The following HIVEP3 variants were observed in gnomAD, a reference collection of about 807,000 sequenced individuals.
HIVEP3 encodes the protein transcription factor HIVEP3.
HIVEP3 carries 49 observed loss-of-function variants against 152.8 expected under a neutral mutation model. That is an observed-to-expected ratio of 0.32 (90% CI 0.26 to 0.41). The LOEUF (loss-of-function observed/expected upper bound fraction) is 0.41, where lower values mean the gene tolerates loss of function less well. HIVEP3 is among the 10% of genes least tolerant of loss of function. The pLI is 1.00. For synonymous variants in HIVEP3, 1,269 were observed against 1,289.0 expected (o/e 0.98, Z 0.33); for missense variants, 2,790 against 3,103.3 (o/e 0.90, Z 2.40).
intron 1 of HIVEP3, among the ~76,000 whole-genome samples, chr1:41,974,118 G>A (rs1365010024): frequency 6.6e-6 from 1 of 152,140 alleles, no homozygotes; most frequent in African/African-American, 2.4e-5. Flanking sequence ...TCACAGCAAG[G>A]AGGGCAGGGG....
chr1:41,825,355 C>T lies in HIVEP3; in HGVS notation c.-801+93058G>A, dbSNP rs192010201. Among the ~76,000 whole-genome samples the T allele has an allele frequency of 4.6e-5, 7 of 152,098 alleles. No individual in the cohort carries two copies. The East Asian group carries it at 9.7e-4, about 21-fold the overall frequency. ...ATCACAAAATACATTATCACAAGGGCGGGGGAATGTCACCATGGCTTGACC... is the reference window on the plus strand; with the variant it reads ...ATCACAAAATACATTATCACAAGGGTGGGGGAATGTCACCATGGCTTGACC... On this transcript the variant is annotated intron_variant, in intron 1 of 8. Coordinates refer to ENST00000372583, the MANE Select transcript of HIVEP3 (RefSeq NM_024503.5).
At chr1:41,739,566 A>C (rs1466545216) in intron 1 of HIVEP3, among the ~76,000 whole-genome samples, 1 of 151,856 alleles carries the variant, frequency 6.6e-6, no homozygotes. Flanking sequence ...GCAGAGAAAA[A>C]ATTGGGGTTG....
chr1:41,601,711 T>C (rs1349276036), intron 3 of HIVEP3, among the ~76,000 whole-genome samples: 4 of 152,198 alleles, frequency 2.6e-5, no homozygotes, highest in Non-Finnish European at 4.4e-5. Flanking sequence ...TCCTTTCTGA[T>C]TTAAATGTCT....
At chr1:41,520,742 G>A (rs1416935253) in intron 6 of HIVEP3, among the ~76,000 whole-genome samples, 2 of 152,220 alleles carry the variant, frequency 1.3e-5, no homozygotes, top group East Asian at 3.8e-4. Flanking sequence ...AGCCATGTAT[G>A]GGAAATGCCC....
Position 41,948,589 on chromosome 1 carries a change from C to T in HIVEP3, n.120-30065G>A, listed in dbSNP as rs138775114. Among the ~76,000 whole-genome samples the T allele has an allele frequency of 3.2e-3, 491 of 152,212 alleles. 4 individuals carry two copies. The highest frequency in any genetic ancestry group is 0.011 in the African/African-American group (468 of 41,468). Reference sequence around the variant, plus strand: ...CATTAGAAATGCTTATAGAAGGACCCCTAGTATGGGGTAATCCCCTCCAGG... The same window carrying T: ...CATTAGAAATGCTTATAGAAGGACCTCTAGTATGGGGTAATCCCCTCCAGG... On this transcript the variant is annotated intron_variant and non_coding_transcript_variant, in intron 1 of 3. Transcript: ENST00000489103.
intron 6 of HIVEP3, among the ~76,000 whole-genome samples, chr1:41,521,447 G>A (rs1363102875): frequency 6.6e-6 from 1 of 152,200 alleles, no homozygotes; most frequent in Non-Finnish European, 1.5e-5. Flanking sequence ...GTGACTTTGC[G>A]GGTCCAGGAG....
At chr1:41,901,449 T>C (rs1557502956) in intron 1 of HIVEP3, among the ~76,000 whole-genome samples, 1 of 151,860 alleles carries the variant, frequency 6.6e-6, no homozygotes, top group Non-Finnish European at 1.5e-5. Flanking sequence ...AGAGAAATCC[T>C]CAGACAGAGT....
chr1:41,538,561 C>G (rs904200905), intron 5 of HIVEP3, among the ~76,000 whole-genome samples: 1 of 152,156 alleles, frequency 6.6e-6, no homozygotes, highest in South Asian at 2.1e-4. Context: ...AAGATGGCAG[C>G]AGCTCAGGGG....
At chr1:41,654,188 T>C (rs1040204904) in intron 2 of HIVEP3, among the ~76,000 whole-genome samples, 1 of 152,194 alleles carries the variant, frequency 6.6e-6, no homozygotes, top group South Asian at 2.1e-4. Flanking sequence ...ACAAAGGGCA[T>C]ACTTGGCCTA....
intron 1 of HIVEP3, among the ~76,000 whole-genome samples, chr1:41,946,844 G>A (rs774938119): frequency 8.5e-5 from 13 of 152,092 alleles, no homozygotes; most frequent in Non-Finnish European, 1.3e-4. Context: ...AAAAGCCCAA[G>A]GCCTAGTAAA....
intron 5 of HIVEP3, among the ~76,000 whole-genome samples, chr1:41,531,495 G>A (rs1268102238): frequency 6.9e-5 from 8 of 116,280 alleles, no homozygotes; most frequent in South Asian, 3.7e-4. Context: ...GGACAGGAGA[G>A]ATGGAAGACA....
At chr1:41,658,165 T>A (rs1198365004) in intron 2 of HIVEP3, among the ~76,000 whole-genome samples, 1 of 152,246 alleles carries the variant, frequency 6.6e-6, no homozygotes, top group Non-Finnish European at 1.5e-5. Flanking sequence ...ATCTGTTAAT[T>A]GGTTTACAAA....
rs1288271060 is a variant in HIVEP3, at chr1:41,575,561, G to T, written c.5190C>A (p.Ile1730=). Residue 1730 remains isoleucine, a synonymous_variant, in exon 5 of 9, where the codon ATC becomes ATA. Coordinates refer to ENST00000372583, the MANE Select transcript of HIVEP3 (RefSeq NM_024503.5). ...PASQRGEPAR[I]KIFEGGYKSN... ...AGTCTTACCCTCCTTCGAAGATTTT[G>T]ATCCTCGCCGGCTCCCCTCTCTGGG... 6.2e-7 allele frequency: 1 copy of T among 1,614,130 alleles called. No individual in the cohort carries two copies. The highest frequency in any genetic ancestry group is 1.7e-5 in the Admixed American group (1 of 60,024).
rs539883669 is a variant in HIVEP3, at chr1:41,718,809, C to T, written c.-800-17814G>A. 1.4e-4 allele frequency among the ~76,000 whole-genome samples: 22 copies of T among 152,252 alleles called. No homozygotes were observed. In the East Asian group the frequency reaches 4.1e-3, roughly 28 times the overall value. On this transcript the variant is annotated intron_variant, in intron 1 of 8. Transcript: ENST00000372583. ...ACACACACACACACGTGCACACACA[C>T]ACACACGTATGTGCTGTAATTATAG...
intron 1 of HIVEP3, among the ~76,000 whole-genome samples, chr1:41,785,238 C>G (rs1413678410): frequency 6.6e-6 from 1 of 152,166 alleles, no homozygotes; most frequent in Non-Finnish European, 1.5e-5. Flanking sequence ...ATTTCCATAC[C>G]TCCAAGGCCC....
chr1:41,838,892 T>C (rs909283923), intron 1 of HIVEP3, among the ~76,000 whole-genome samples: 4 of 152,160 alleles, frequency 2.6e-5, no homozygotes, highest in Non-Finnish European at 4.4e-5. Context: ...CAAAACACCA[T>C]TTCCTGATGG....
At chr1:41,653,696 C>T (rs974901811) in intron 2 of HIVEP3, among the ~76,000 whole-genome samples, 11 of 152,148 alleles carry the variant, frequency 7.2e-5, no homozygotes, top group African/African-American at 2.7e-4. Flanking sequence ...CAAATGTTCG[C>T]ATGCCAAGGC....
At chr1:41,941,594 G>A (rs1309808154) in intron 1 of HIVEP3, among the ~76,000 whole-genome samples, 1 of 152,158 alleles carries the variant, frequency 6.6e-6, no homozygotes, top group East Asian at 1.9e-4. Context: ...GAAATTTGCA[G>A]AAGGGGAAAA....
intron 1 of HIVEP3, among the ~76,000 whole-genome samples, chr1:41,982,683 T>G (rs188294581): frequency 6.6e-6 from 1 of 152,300 alleles, no homozygotes; most frequent in Admixed American, 6.5e-5. Context: ...TATTTAACAT[T>G]TCCATTAATT....
Sources: gnomAD v4.1 joint callset for allele counts (sites outside exome capture counted in the v4.1 genomes callset) on GRCh38, gnomAD v4.1.1 for gene constraint, MANE v1.5 for transcripts, NCBI Gene and HGNC (gene_info 2026-07-23, HGNC 2026-07-21) for gene names.